Variants in THNSL2 observed in about 807,000 individuals in gnomAD.
The protein encoded by THNSL2 is threonine synthase like 2.
Under a neutral mutation model 40.0 loss-of-function variants are expected in THNSL2, and 34 were observed. The ratio of observed to expected loss-of-function variants is 0.85; its 90% CI spans 0.65 to 1.13. THNSL2 has a LOEUF of 1.13. Ranked by LOEUF, THNSL2 falls within the 50% of genes most tolerant of loss-of-function variation. The pLI is 0.00. For synonymous variants in THNSL2, 241 were observed against 247.5 expected (o/e 0.97, Z 0.25); for missense variants, 537 against 608.8 (o/e 0.88, Z 1.24).
At position 88,173,199 on chromosome 2, in the gene THNSL2, G is replaced by A. The variant is rs1313229455; in HGVS notation, c.49G>A (p.Gly17Arg). The A allele has an allele frequency of 1.9e-6, 3 of 1,604,928 alleles. No individual in the cohort carries two copies. Among genetic ancestry groups the A allele is most frequent in the Non-Finnish European group, 2.6e-6 (3 of 1,175,056 alleles). ...RGVAPRVNFE[G>R]ALFSGYAPDG... ...CGTAGCCCCACGGGTCAACTTTGAG[G>A]GGGCCCTCTTCTCTGGCTATGCACC... The change falls in exon 2 of 9, where the codon GGG becomes AGG. Residue 17 changes from glycine (G) to arginine (R), a missense_variant. Coordinates refer to ENST00000674334, the MANE Select transcript of THNSL2 (RefSeq NM_018271.5).
chr2:88,174,533 TGGCC>T, intron 2 of THNSL2, 102 bp from the exon 3 acceptor site: 3 of 1,158,894 alleles, frequency 2.6e-6, no homozygotes, highest in Admixed American at 2.5e-5. Flanking sequence ...TGAAGATTTT[TGGCC>T]TTTTAGTAGC....
rs1676721268 is a variant in THNSL2, at chr2:88,174,728, T to C, written c.313T>C (p.Trp105Arg). Residue 105 changes from tryptophan to arginine, a missense_variant, in exon 3 of 9, where the codon TGG becomes CGG. Coordinates refer to ENST00000674334, the MANE Select transcript of THNSL2 (RefSeq NM_018271.5). ...LRNGLNVLEL[W>R]HGVTYAFKDL... ...GAATGGGCTGAACGTGTTGGAGCTG[T>C]GGCATGGCGTCACATATGCATTTAA... is the stretch of plus-strand genomic sequence containing the variant. 1.9e-6 allele frequency: 3 copies of C among 1,614,074 alleles called. No homozygotes were observed. In the Admixed American group the frequency reaches 5.0e-5, roughly 27 times the overall value.
intron 2 of THNSL2, among the ~76,000 whole-genome samples, chr2:88,174,217 C>T (rs952630220): frequency 2.0e-5 from 3 of 152,094 alleles, no homozygotes; most frequent in Non-Finnish European, 4.4e-5. Flanking sequence ...TCCAAAGGCT[C>T]TGGCGTCACA....
At chr2:88,171,491 C>G (rs946280456) in intron 1 of THNSL2, 1 of 356,802 alleles carries the variant, frequency 2.8e-6, no homozygotes, top group Non-Finnish European at 5.7e-6. Context: ...CTGCCTTGCT[C>G]GCTCCTGCCC....
rs865835666 is a variant in THNSL2 at position 88,171,436 on chromosome 2, C to T, written c.-13+980C>T. The T allele has an allele frequency of 1.7e-5, 7 of 414,186 alleles. No homozygotes were observed. In the Middle Eastern group the frequency reaches 3.5e-3, roughly 209 times the overall value. The allele number at this position is 414,186 out of a possible 1,614,324, so 25.7% of individuals were successfully genotyped here. On this transcript the variant is annotated intron_variant, in intron 1 of 8. Transcript: ENST00000674334. ...TGCCCCAGGTGTGATATTCCTTCCA[C>T]CCAGGGAAGGGCATTTGAAAAATAT...
At chr2:88,174,222 G>C (rs1246897363) in intron 2 of THNSL2, among the ~76,000 whole-genome samples, 1 of 152,172 alleles carries the variant, frequency 6.6e-6, no homozygotes, top group Non-Finnish European at 1.5e-5. Flanking sequence ...AGGCTCTGGC[G>C]TCACAGGTGT....
At chr2:88,171,336 A>G (rs1201004523) in intron 1 of THNSL2, 1 of 456,654 alleles carries the variant, frequency 2.2e-6, no homozygotes, top group South Asian at 1.5e-5. Context: ...AGCTCCTTCC[A>G]TGACCTGCTC....
At position 88,185,916 on chromosome 2, in the gene THNSL2, C is replaced by G. The variant is rs1453531854; in HGVS notation, c.1248C>G (p.Leu416=). The change falls in exon 9 of 9, where the codon CTC becomes CTG. Residue 416 remains leucine, a synonymous_variant. Coordinates refer to ENST00000674334, the MANE Select transcript of THNSL2 (RefSeq NM_018271.5). ...CCCACAGCACTCCCCGGTGCTGCCTCGCCCCTGCCTCTGCAGCCAAGTTCC... is the reference window on the plus strand; with the variant it reads ...CCCACAGCACTCCCCGGTGCTGCCTGGCCCCTGCCTCTGCAGCCAAGTTCC... ...RQQPSTPRCC[L]APASAAKFPE... is the part of the protein sequence containing the mutation. 1 of 1,607,362 alleles carries G rather than the reference C, an allele frequency of 6.2e-7. No homozygotes were observed. Among genetic ancestry groups the G allele is most frequent in the Non-Finnish European group, 8.5e-7 (1 of 1,177,500 alleles).
chr2:88,183,256 T>A, intron 7 of THNSL2, 183 bp downstream of exon 7: 1 of 784,752 alleles, frequency 1.3e-6, no homozygotes, highest in Non-Finnish European at 1.9e-6. Context: ...ATAGAGAACA[T>A]GGTTTAGAGT....
At chr2:88,179,464 T>A (rs1157166530) in intron 5 of THNSL2, among the ~76,000 whole-genome samples, 1 of 152,228 alleles carries the variant, frequency 6.6e-6, no homozygotes, top group East Asian at 1.9e-4. Flanking sequence ...GAAAGAGTTC[T>A]GGACTTGGGG....
chr2:88,178,797 G>A lies in THNSL2; in HGVS notation c.586G>A (p.Asp196Asn), dbSNP rs532704188. 34 of 1,614,142 alleles carry A rather than the reference G, an allele frequency of 2.1e-5. No individual in the cohort carries two copies. Among genetic ancestry groups the A allele is most frequent in the Admixed American group, 1.7e-4 (10 of 60,020 alleles). ...CCCCCTGGCAGTGGAGGGAAACAGCGATGAGCTCGATGAGCCGATCAAGAC... is the reference window on the plus strand; with the variant it reads ...CCCCCTGGCAGTGGAGGGAAACAGCAATGAGCTCGATGAGCCGATCAAGAC... Reference protein sequence around the residue: ...VHVFGVEGNSDELDEPIKTVF... With the variant: ...VHVFGVEGNSNELDEPIKTVF... Residue 196 changes from aspartate to asparagine, a missense_variant, in exon 5 of 9, where the codon GAT (aspartate) becomes AAT (asparagine). Transcript: ENST00000674334.
chr2:88,183,275 C>T (rs1677897092), intron 7 of THNSL2: 18 of 634,384 alleles, frequency 2.8e-5, no homozygotes, highest in Non-Finnish European at 4.9e-6. Flanking sequence ...GTCAAATGAG[C>T]TCAATCCCAA....
At chr2:88,181,551 C>CCTCTCTCTCCT (rs1558895947) in intron 5 of THNSL2, among the ~76,000 whole-genome samples, 1 of 83,522 alleles carries the variant, frequency 1.2e-5, no homozygotes, top group African/African-American at 4.5e-5. Flanking sequence ...CTCTCTCTCC[C>CCTCTCTCTCCT]CTCTCTCTCC....
rs374142555 is a variant in THNSL2 at position 88,178,736 on chromosome 2, G to T, written c.572-47G>T. 4.1e-4 allele frequency: 664 copies of T among 1,606,406 alleles called. 7 individuals are homozygous for T. The highest frequency in any genetic ancestry group is 8.8e-5 in the Non-Finnish European group (103 of 1,173,812). On this transcript the variant is annotated intron_variant, in intron 4 of 8. Coordinates refer to ENST00000674334, the MANE Select transcript of THNSL2 (RefSeq NM_018271.5). Reference sequence around the variant, plus strand: ...CGCAGGTGAGTGCTGACCTCCTGGGGGTTCTACATGCTCCTGACAGCTGCC... The same window carrying T: ...CGCAGGTGAGTGCTGACCTCCTGGGTGTTCTACATGCTCCTGACAGCTGCC...
chr2:88,173,512 T>C (rs1000062188), intron 2 of THNSL2, 139 bp downstream of exon 2: 4 of 571,714 alleles, frequency 7.0e-6, no homozygotes, highest in Admixed American at 4.1e-5. Flanking sequence ...TTCCTGACTC[T>C]AGAATCCCAG....
intron 5 of THNSL2, 59 bp downstream of exon 5, chr2:88,179,072 T>A: frequency 6.5e-7 from 1 of 1,544,652 alleles, no homozygotes; most frequent in Non-Finnish European, 8.9e-7. Context: ...GCCCCAGTCC[T>A]TCTAGCTGCC....
At chr2:88,178,378 C>G (rs185566998) in intron 4 of THNSL2, among the ~76,000 whole-genome samples, 1 of 152,160 alleles carries the variant, frequency 6.6e-6, no homozygotes, top group East Asian at 1.9e-4. Flanking sequence ...GGCTACGTCT[C>G]TCACCGTTTT....
chr2:88,179,256 C>T lies in THNSL2; in HGVS notation c.802+243C>T, dbSNP rs954531653. ...AACCCCACATGCTCCCACAGCCTGA[C>T]CTGATGTGCTCGCTGGCTCAGCAGA... On this transcript the variant is annotated intron_variant, in intron 5 of 8. Transcript: ENST00000674334. Among the ~76,000 whole-genome samples the T allele has an allele frequency of 3.3e-5, 5 of 152,242 alleles. No individual in the cohort carries two copies. In the East Asian group the frequency reaches 9.6e-4, roughly 29 times the overall value.
At chr2:88,177,674 C>T (rs761960361) in intron 4 of THNSL2, among the ~76,000 whole-genome samples, 8 of 152,218 alleles carry the variant, frequency 5.3e-5, no homozygotes, top group Non-Finnish European at 1.0e-4. Context: ...TCCTAAGGCT[C>T]ATTCCTCTTG....
Sources: gnomAD v4.1 joint callset for allele counts (sites outside exome capture counted in the v4.1 genomes callset) on GRCh38, gnomAD v4.1.1 for gene constraint, MANE v1.5 for transcripts, NCBI Gene and HGNC (gene_info 2026-07-23, HGNC 2026-07-21) for gene names.